LRIT2: variants seen among roughly 807,000 people sequenced by gnomAD.
LRIT2 encodes the protein leucine-rich repeat, immunoglobulin-like domain and transmembrane domain-containing protein 2.
A neutral mutation model predicts 22.4 loss-of-function variants in LRIT2; 23 were observed. That is an observed-to-expected ratio of 1.03 (90% confidence interval 0.74 to 1.45). The LOEUF (loss-of-function observed/expected upper bound fraction) is 1.45, where lower values mean the gene tolerates loss of function less well. LRIT2 is among the 40% of genes most tolerant of loss of function. LRIT2 has a pLI of 0.00. For missense variants in LRIT2, 784 were observed against 665.6 expected (o/e 1.18, Z -1.96); for synonymous variants, 291 against 267.1 (o/e 1.09, Z -0.87).
At chr10:84,224,030 C>A (rs946443548) in intron 2 of LRIT2, among the ~76,000 whole-genome samples, 1 of 152,196 alleles carries the variant, frequency 6.6e-6, no homozygotes, top group Non-Finnish European at 1.5e-5. Context: ...AAGACTATAT[C>A]TGCTCATATA....
chr10:84,223,610 A>T (rs904768369), intron 2 of LRIT2, among the ~76,000 whole-genome samples: 1 of 152,128 alleles, frequency 6.6e-6, no homozygotes, highest in African/African-American at 2.4e-5. Context: ...CAGAGAACAG[A>T]AGACAGGACA....
At chr10:84,224,092 T>C (rs1169315203) in intron 2 of LRIT2, among the ~76,000 whole-genome samples, 1 of 152,258 alleles carries the variant, frequency 6.6e-6, no homozygotes, top group Admixed American at 6.5e-5. Context: ...AATATGTGTT[T>C]ATATATGTGT....
rs755418464 is a variant in LRIT2, at chr10:84,222,191, T to G, written c.1382A>C (p.Glu461Ala). The G allele has an allele frequency of 4.3e-6, 7 of 1,614,150 alleles. No homozygotes were observed. In the Admixed American group the frequency reaches 1.0e-4, roughly 23 times the overall value. The change falls in exon 3 of 3, where the codon GAG becomes GCG. Residue 461 changes from glutamate to alanine, a missense_variant. By Grantham distance (107) the Glu-to-Ala change is moderately radical. Transcript: ENST00000372113. ...GRDAGGLEAR[E>A]HLLHVTVVLC... ...GACCACTGTGACATGCAGGAGGTGC[T>G]CACGTGCCTCTAGCCCACCAGCATC...
chr10:84,225,128 C>A lies in LRIT2; in HGVS notation c.111-14G>T. ...CACTGCAGAGTCCTGTACAAGAAAC[C>A]AGAACAGCTTTAAGATAAACAACAG... On this transcript the variant is annotated splice_polypyrimidine_tract_variant and intron_variant, in intron 1 of 2. Coordinates refer to ENST00000372113, the MANE Select transcript of LRIT2 (RefSeq NM_001017924.5). The A allele has an allele frequency of 6.3e-7, 1 of 1,589,886 alleles. No homozygotes were observed. Among genetic ancestry groups the A allele is most frequent in the South Asian group, 1.1e-5 (1 of 87,048 alleles).
rs771805463 is a variant in LRIT2, at chr10:84,224,660, T to A, written c.565A>T (p.Ile189Phe). The A allele has an allele frequency of 1.9e-6, 3 of 1,614,102 alleles. No homozygotes were observed. Among genetic ancestry groups the A allele is most frequent in the South Asian group, 2.2e-5 (2 of 91,076 alleles). The change falls in exon 2 of 3, where the codon ATT becomes TTT. Residue 189 changes from isoleucine to phenylalanine, a missense_variant. Transcript: ENST00000372113. The part of the protein sequence containing the change: ...KCRQPDCGAE[I>F]LSSLVVALHD... The stretch of plus-strand genomic sequence containing the variant: ...AGGGCCACCACCAGGCTGGAGAGAA[T>A]CTCAGCCCCACAGTCAGGCTGCCGG...
chr10:84,224,304 G>C (rs1842538954), intron 2 of LRIT2, 29 bp downstream of exon 2: 1 of 1,584,888 alleles, frequency 6.3e-7, no homozygotes, highest in African/African-American at 1.3e-5. Flanking sequence ...ATTCCCTCCA[G>C]ATACACTGAG....
chr10:84,224,479 G>T lies in LRIT2; in HGVS notation c.746C>A (p.Ala249Asp), dbSNP rs1021045741. The T allele has an allele frequency of 6.2e-7, 1 of 1,614,234 alleles. No individual in the cohort carries two copies. The highest frequency in any genetic ancestry group is 2.2e-5 in the East Asian group (1 of 44,888). ...GGTTGAGATCTGTGGCTTCATGCAA[G>T]CACTAAGCTCAGTTTCATGAAAAAG... Reference protein sequence around the residue: ...GQLFHETELSACMKPQISTPS... With the variant: ...GQLFHETELSDCMKPQISTPS... The change falls in exon 2 of 3, where the codon GCT becomes GAT. Residue 249 changes from alanine to aspartate, a missense_variant. Transcript: ENST00000372113.
chr10:84,223,894 C>T (rs913600517), intron 2 of LRIT2, among the ~76,000 whole-genome samples: 5 of 152,184 alleles, frequency 3.3e-5, no homozygotes, highest in Admixed American at 2.6e-4. Context: ...CAAACAAGCA[C>T]CCCAGGTGAT....
In LRIT2 at chr10:84,221,880, C is replaced by T. The variant is rs1842508714; in HGVS notation, c.*40G>A. Reference sequence around the variant, plus strand: ...TGCTGCAGAGGGTTGGTTTCAGAGGCTTGAAGCCCAAGCCGTTTCCACCCC... The same window carrying T: ...TGCTGCAGAGGGTTGGTTTCAGAGGTTTGAAGCCCAAGCCGTTTCCACCCC... On this transcript the variant is annotated 3_prime_UTR_variant, in exon 3 of 3. Transcript: ENST00000372113. 6.6e-7 allele frequency: 1 copy of T among 1,507,500 alleles called. No homozygotes were observed. Among genetic ancestry groups the T allele is most frequent in the Non-Finnish European group, 8.9e-7 (1 of 1,127,554 alleles). The allele number at this position is 1,507,500 out of a possible 1,614,324, so 93.4% of individuals were successfully genotyped here.
chr10:84,222,220 G>A lies in LRIT2; in HGVS notation c.1353C>T (p.Gly451=), dbSNP rs377469201. 1.9e-5 allele frequency: 30 copies of A among 1,614,100 alleles called. No homozygotes were observed. In the Middle Eastern group the frequency reaches 4.9e-4, roughly 27 times the overall value. ...HQGQCVAFVT[G]RDAGGLEARE... is the part of the protein sequence containing the mutation. Reference sequence around the variant, plus strand: ...GTGCCTCTAGCCCACCAGCATCTCTGCCTGTTACAAAAGCTACACACTGGC... The same window carrying A: ...GTGCCTCTAGCCCACCAGCATCTCTACCTGTTACAAAAGCTACACACTGGC... Residue 451 remains glycine, a synonymous_variant, in exon 3 of 3, where the codon GGC becomes GGT. Transcript: ENST00000372113.
chr10:84,221,895 G>T lies in LRIT2; in HGVS notation c.*25C>A. 1 of 1,510,432 alleles carries T rather than the reference G, an allele frequency of 6.6e-7. No individual in the cohort carries two copies. 93.6% of individuals were successfully genotyped at this position (1,510,432 alleles called of 1,614,324 possible). A position where few individuals can be genotyped will look rare whatever the true frequency, so the allele number is the denominator to read the frequency against. ...GTTTCAGAGGCTTGAAGCCCAAGCC[G>T]TTTCCACCCCATGGCCTGGGTTGTT... On this transcript the variant is annotated 3_prime_UTR_variant, in exon 3 of 3. Coordinates refer to ENST00000372113, the MANE Select transcript of LRIT2 (RefSeq NM_001017924.5).
In LRIT2 at chr10:84,222,109, G is replaced by T. The variant is rs375340247; in HGVS notation, c.1464C>A (p.Gly488=). ...PVGAYAWAAQ[G]PCSCSKWVLR... is the part of the protein sequence containing the mutation. The stretch of plus-strand genomic sequence containing the variant: ...GGACCCACTTGCTGCAGCTGCAGGG[G>T]CCCTGGGCTGCCCAGGCATAGGCGC... Residue 488 remains glycine, a synonymous_variant, in exon 3 of 3, where the codon GGC becomes GGA. Transcript: ENST00000372113. The T allele has an allele frequency of 3.1e-6, 5 of 1,608,690 alleles. No homozygotes were observed. The Admixed American group carries it at 8.3e-5, about 27-fold the overall frequency.
At chr10:84,224,023 A>C (rs1313234987) in intron 2 of LRIT2, among the ~76,000 whole-genome samples, 1 of 152,248 alleles carries the variant, frequency 6.6e-6, no homozygotes, top group Non-Finnish European at 1.5e-5. Flanking sequence ...ATTCCCAAAG[A>C]CTATATCTGC....
At position 84,225,022 on chromosome 10, in the gene LRIT2, A is replaced by T. The variant is rs765931727; in HGVS notation, c.203T>A (p.Phe68Tyr). ...GATGAAAGACCCTTGGGGCATCTCA[A>T]ATAAGGGTGAATTTTCAATTCTCAC... ...KQVRIENSPL[F>Y]EMPQGSFINM... Residue 68 changes from phenylalanine (F) to tyrosine (Y), a missense_variant, in exon 2 of 3, where the codon TTT becomes TAT. Physicochemically the swap from Phe to Tyr is conservative, Grantham distance 22. Transcript: ENST00000372113. 8 of 1,614,010 alleles carry T rather than the reference A, an allele frequency of 5.0e-6. No individual in the cohort carries two copies. Among genetic ancestry groups the T allele is most frequent in the African/African-American group, 1.3e-5 (1 of 74,896 alleles).
At position 84,221,786 on chromosome 10, in the gene LRIT2, CTG is replaced by C; in HGVS notation, c.*132_*133del. 1 of 720,024 alleles carries C rather than the reference CTG, an allele frequency of 1.4e-6. No homozygotes were observed. Among genetic ancestry groups the C allele is most frequent in the South Asian group, 3.9e-5 (1 of 25,750 alleles). The allele number at this position is 720,024 out of a possible 1,614,324, so 44.6% of individuals were successfully genotyped here. On this transcript the variant is annotated 3_prime_UTR_variant, in exon 3 of 3. Coordinates refer to ENST00000372113, the MANE Select transcript of LRIT2 (RefSeq NM_001017924.5). The stretch of plus-strand genomic sequence containing the variant: ...GTTTCCCTTTTTACTCTTGAACCCC[CTG>C]TGTCAAGTTCAGTGCTTGGAACACA...
rs1265093106 is a variant in LRIT2, at chr10:84,221,221, A to G, written c.*699T>C. Reference sequence around the variant, plus strand: ...TGGTGCTGATGGCTCCAGCCTGCCCAGCAGCACCAAGGGCTGTGCTCACAG... The same window carrying G: ...TGGTGCTGATGGCTCCAGCCTGCCCGGCAGCACCAAGGGCTGTGCTCACAG... On this transcript the variant is annotated 3_prime_UTR_variant, in exon 3 of 3. Coordinates refer to ENST00000372113, the MANE Select transcript of LRIT2 (RefSeq NM_001017924.5). 6.6e-6 allele frequency: 1 copy of G among 152,264 alleles called. No individual in the cohort carries two copies. Among genetic ancestry groups the G allele is most frequent in the Non-Finnish European group, 1.5e-5 (1 of 68,066 alleles). 9.4% of individuals were successfully genotyped at this position (152,264 alleles called of 1,614,324 possible). A position where few individuals can be genotyped will look rare whatever the true frequency, so the allele number is the denominator to read the frequency against.
Position 84,224,803 on chromosome 10 carries a change from G to C in LRIT2, c.422C>G (p.Ala141Gly). ...GAATTGAAGAGCCAGCTCAGGGAGT[G>C]CATCAATCTTGTTGCGTTTGAGATC... ...VLDLKRNKID[A>G]LPELALQFLV... The change falls in exon 2 of 3, where the codon GCA becomes GGA. Residue 141 changes from alanine to glycine, a missense_variant. Ala to Gly is a moderately conservative substitution (Grantham distance 60). Coordinates refer to ENST00000372113, the MANE Select transcript of LRIT2 (RefSeq NM_001017924.5). 6.2e-7 allele frequency: 1 copy of C among 1,614,086 alleles called. No individual in the cohort carries two copies. The highest frequency in any genetic ancestry group is 8.5e-7 in the Non-Finnish European group (1 of 1,180,016).
At position 84,221,477 on chromosome 10, in the gene LRIT2, T is replaced by G. The variant is rs1427528597; in HGVS notation, c.*443A>C. The G allele has an allele frequency of 1.3e-5, 2 of 152,854 alleles. No homozygotes were observed. Among genetic ancestry groups the G allele is most frequent in the African/African-American group, 4.8e-5 (2 of 41,486 alleles). 9.5% of individuals were successfully genotyped at this position (152,854 alleles called of 1,614,324 possible). A position where few individuals can be genotyped will look rare whatever the true frequency, so the allele number is the denominator to read the frequency against. On this transcript the variant is annotated 3_prime_UTR_variant, in exon 3 of 3. Transcript: ENST00000372113. ...TGGGGCTTCTGCCTCCTGCCAGATG[T>G]GGACTCTGGGTGTATCATTGAACTG...
chr10:84,223,723 A>G (rs993609482), intron 2 of LRIT2, among the ~76,000 whole-genome samples: 4 of 152,156 alleles, frequency 2.6e-5, no homozygotes, highest in South Asian at 2.1e-4. Flanking sequence ...CATTAAAGGT[A>G]ATCCCAGCTG....
Sources: gnomAD v4.1 joint callset for allele counts (sites outside exome capture counted in the v4.1 genomes callset) on GRCh38, gnomAD v4.1.1 for gene constraint, MANE v1.5 for transcripts, NCBI Gene and HGNC (gene_info 2026-07-23, HGNC 2026-07-21) for gene names.